Variants in ARMCX4 observed in about 807,000 individuals in gnomAD.
ARMCX4 encodes armadillo repeat containing X-linked 4.
In ARMCX4, 3 loss-of-function variants were observed where a neutral mutation model predicts 34.7. The ratio of observed to expected loss-of-function variants is 0.09; its 90% CI spans 0.04 to 0.22. The LOEUF is 0.22. Ranked by LOEUF, ARMCX4 falls within the 10% of genes least tolerant of loss-of-function variation. The probability of loss-of-function intolerance (pLI) is 1.00; values close to 1 mark genes in which losing one functional copy is unlikely to be tolerated. For missense variants in ARMCX4, 1,448 were observed against 1,720.8 expected (o/e 0.84, Z 2.81); for synonymous variants, 513 against 632.8 (o/e 0.81, Z 2.84).
chrX:101,494,245 G>A lies in ARMCX4; in HGVS notation c.5656G>A (p.Glu1886Lys). 8.7e-7 allele frequency: 1 copy of A among 1,154,105 alleles called. No individual in the cohort carries two copies. The highest frequency in any genetic ancestry group is 1.1e-6 in the Non-Finnish European group (1 of 871,559). The change falls in exon 6 of 6, where the codon GAG (glutamate) becomes AAG (lysine). Residue 1886 changes from glutamate (E) to lysine (K), a missense_variant. By Grantham distance (56) the Glu-to-Lys change is moderately conservative. Coordinates refer to ENST00000423738, the MANE Select transcript of ARMCX4 (RefSeq NM_001256155.3). ...CTTGGCTAGGAATGTGGGAGAGGAT[G>A]AGCTAAGTAGAGAGTCCAGCCCTGA... ...WTLARNVGEDELSRESSPDIE... is the reference protein window; with the variant it reads ...WTLARNVGEDKLSRESSPDIE...
At chrX:101,501,114 C>G (rs186258463) in intron 7 of ARMCX4, among the ~76,000 whole-genome samples, 1 of 112,649 alleles carries the variant, frequency 8.9e-6, no homozygotes, top group Non-Finnish European at 1.9e-5. Flanking sequence ...AAGTGCACTG[C>G]CTGGTAGGCC....
At position 101,491,299 on chromosome X, in the gene ARMCX4, A is replaced by T; in HGVS notation, c.2710A>T (p.Thr904Ser). ...GTCTAAGGCAGGGGCCAGAGAAGAT[A>T]CAATGGGCTCTGCCCAGCCTCAGGT... ...VVSKAGARED[T>S]MGSAQPQVVA... is the part of the protein sequence containing the mutation. The change falls in exon 6 of 6, where the codon ACA (threonine) becomes TCA (serine). Residue 904 changes from threonine (T) to serine (S), a missense_variant. Physicochemically the swap from Thr to Ser is moderately conservative, Grantham distance 58. Coordinates refer to ENST00000423738, the MANE Select transcript of ARMCX4 (RefSeq NM_001256155.3). 8.7e-7 allele frequency: 1 copy of T among 1,155,362 alleles called. No individual in the cohort carries two copies. Among genetic ancestry groups the T allele is most frequent in the Non-Finnish European group, 1.1e-6 (1 of 872,633 alleles).
intron 2 of ARMCX4, among the ~76,000 whole-genome samples, chrX:101,440,024 C>T (rs1174302342): frequency 8.9e-6 from 1 of 112,170 alleles, no homozygotes; most frequent in African/African-American, 3.2e-5. Flanking sequence ...TGGTGAGGAG[C>T]TGTGTTCCTT....
chrX:101,492,313 A>G lies in ARMCX4; in HGVS notation c.3724A>G (p.Ser1242Gly), dbSNP rs1486259243. 2 of 1,143,285 alleles carry G rather than the reference A, an allele frequency of 1.7e-6. No individual in the cohort carries two copies. Among genetic ancestry groups the G allele is most frequent in the Non-Finnish European group, 2.3e-6 (2 of 867,715 alleles). 94.2% of individuals were successfully genotyped at this position (1,143,285 alleles called of 1,213,427 possible). A position where few individuals can be genotyped will look rare whatever the true frequency, so the allele number is the denominator to read the frequency against. Residue 1242 changes from serine to glycine, a missense_variant, in exon 6 of 6, where the codon AGT (serine) becomes GGT (glycine). Ser to Gly is a moderately conservative substitution (Grantham distance 56). This residue lies in a region of ARMCX4 where 1,343 missense variants were observed against 1,540.7 expected (regional missense o/e 0.87). Transcript: ENST00000423738. ...AGAGCTTTGGGCTGCGGGTCAGGCC[A>G]GTGATGGGTCCTGGCCTGGGGGACA... ...IGELWAAGQA[S>G]DGSWPGGQAS...
chrX:101,481,950 C>T (rs1358040023), upstream of ARMCX4, among the ~76,000 whole-genome samples: 4 of 111,240 alleles, frequency 3.6e-5, no homozygotes, highest in Non-Finnish European at 7.5e-5. Flanking sequence ...AATTATGATC[C>T]TGGCCAGGCG....
At chrX:101,435,493 T>C (rs1437213745) in intron 2 of ARMCX4, among the ~76,000 whole-genome samples, 1 of 112,028 alleles carries the variant, frequency 8.9e-6, no homozygotes, top group Non-Finnish European at 1.9e-5. Context: ...TTGTTTGATT[T>C]TTTTCTTGTA....
intron 2 of ARMCX4, among the ~76,000 whole-genome samples, chrX:101,436,553 A>T (rs1471429026): frequency 1.8e-5 from 2 of 111,403 alleles, no homozygotes; most frequent in African/African-American, 3.3e-5. Flanking sequence ...GGCTGAGATG[A>T]TGGGGTTTTC....
Position 101,494,484 on chromosome X carries a change from G to A in ARMCX4, c.5895G>A (p.Lys1965=), listed in dbSNP as rs1270951738. 1.2e-5 allele frequency: 14 copies of A among 1,153,620 alleles called. No homozygotes were observed. The highest frequency in any genetic ancestry group is 1.5e-5 in the Non-Finnish European group (13 of 872,445). ...ENTSEDKSAP[K]AKAKKSSESR... is the part of the protein sequence containing the mutation. Reference sequence around the variant, plus strand: ...CAAGTGAGGACAAATCTGCACCTAAGGCTAAAGCCAAAAAGTCATCTGAGT... The same window carrying A: ...CAAGTGAGGACAAATCTGCACCTAAAGCTAAAGCCAAAAAGTCATCTGAGT... Residue 1965 remains lysine (K), a synonymous_variant, in exon 6 of 6, where the codon AAG becomes AAA. Transcript: ENST00000423738.
At chrX:101,505,017 A>AT (rs1269152792) in exon 8 of ARMCX4, 2 of 111,674 alleles carry the variant, frequency 1.8e-5, no homozygotes, top group African/African-American at 6.5e-5. Context: ...ATGTACTATG[A>AT]TTTGAATATG....
chrX:101,451,344 G>A (rs1931969290), downstream of ARMCX4, among the ~76,000 whole-genome samples: 1 of 111,313 alleles, frequency 9.0e-6, no homozygotes, highest in Non-Finnish European at 1.9e-5. Flanking sequence ...TGCTATAACG[G>A]GGCATCACTG....
Position 101,432,845 on chromosome X carries a change from T to C in ARMCX4, n.165-11207T>C, listed in dbSNP as rs191991799. ...GTATATACGTGTATATATGTATACA[T>C]ATGTGTATATATACACGTATATATA... is the stretch of plus-strand genomic sequence containing the variant. On this transcript the variant is annotated intron_variant and non_coding_transcript_variant, in intron 2 of 3. Coordinates refer to the ARMCX4 transcript ENST00000430461. Among the ~76,000 whole-genome samples the C allele has an allele frequency of 1.7e-3, 167 of 99,589 alleles. 1 individual carries two copies. Among genetic ancestry groups the C allele is most frequent in the African/African-American group, 5.8e-3 (163 of 27,952 alleles). The allele number at this position is 99,589 out of a possible 115,157, so 86.5% of individuals were successfully genotyped here. A position where few individuals can be genotyped will look rare whatever the true frequency, so the allele number is the denominator to read the frequency against.
At chrX:101,482,232 T>TA (rs113097006), upstream of ARMCX4, among the ~76,000 whole-genome samples, 15 of 110,170 alleles carry the variant, frequency 1.4e-4, no homozygotes, top group African/African-American at 4.0e-4. Context: ...AGACTCCATA[T>TA]AAAAAAAAAT....
chrX:101,423,478 A>G (rs1406498031), intron 2 of ARMCX4, among the ~76,000 whole-genome samples: 2 of 107,501 alleles, frequency 1.9e-5, no homozygotes, highest in Non-Finnish European at 3.8e-5. Context: ...TTAGCCGGGC[A>G]TGGTGACACA....
chrX:101,432,402 C>T (rs1005952645), intron 2 of ARMCX4, among the ~76,000 whole-genome samples: 1 of 111,629 alleles, frequency 9.0e-6, no homozygotes, highest in African/African-American at 3.3e-5. Context: ...GTGGCTCATG[C>T]CTGTAATCCC....
downstream of ARMCX4, chrX:101,498,400 A>T (rs1934227835): frequency 9.4e-6 from 2 of 212,720 alleles, no homozygotes; most frequent in Admixed American, 6.7e-5. Context: ...ATGGTGGTTA[A>T]CTGGGTTGGC....
intron 4 of ARMCX4, among the ~76,000 whole-genome samples, chrX:101,463,427 T>A (rs1434942646): frequency 8.9e-6 from 1 of 112,239 alleles, no homozygotes; most frequent in Non-Finnish European, 1.9e-5. Flanking sequence ...GGGACTCTTG[T>A]CTTTTTTGTG....
intron 2 of ARMCX4, among the ~76,000 whole-genome samples, chrX:101,428,503 G>T (rs1298861052): frequency 1.8e-5 from 2 of 112,250 alleles, no homozygotes; most frequent in South Asian, 7.3e-4. Flanking sequence ...ATTTATGCAT[G>T]TTACTCTGTG....
At chrX:101,450,453 G>A (rs782812711), downstream of ARMCX4, among the ~76,000 whole-genome samples, 3 of 111,529 alleles carry the variant, frequency 2.7e-5, no homozygotes, top group South Asian at 3.8e-4. Flanking sequence ...CCTGAGGCTC[G>A]TCCTTCAGGG....
At chrX:101,512,693 T>C (rs1934605643) in intron 11 of ARMCX4, among the ~76,000 whole-genome samples, 1 of 108,875 alleles carries the variant, frequency 9.2e-6, no homozygotes, top group Non-Finnish European at 1.9e-5. Flanking sequence ...AATGCATATG[T>C]TGTATTCTGT....
Sources: gnomAD v4.1 joint callset for allele counts (sites outside exome capture counted in the v4.1 genomes callset) on GRCh38, gnomAD v4.1.1 for gene constraint, gnomAD v4.1.1 regional missense constraint, MANE v1.5 for transcripts, NCBI Gene and HGNC (gene_info 2026-07-23, HGNC 2026-07-21) for gene names.